Variants in SIK3 observed in about 807,000 individuals in gnomAD.
SIK3 encodes the protein SIK family kinase 3, also known as serine/threonine-protein kinase SIK3.
SIK3 carries 28 observed loss-of-function variants against 144.2 expected under a neutral mutation model. The ratio of observed to expected loss-of-function variants is 0.19; its 90% CI spans 0.14 to 0.27. The LOEUF is 0.27. SIK3 is among the 10% of genes least tolerant of loss of function. The probability of loss-of-function intolerance (pLI) is 1.00; values close to 1 mark genes in which losing one functional copy is unlikely to be tolerated. For missense variants in SIK3, 1,319 were observed against 1,776.0 expected (o/e 0.74, Z 4.62); for synonymous variants, 686 against 676.3 (o/e 1.01, Z -0.22).
At chr11:116,897,154 A>G in intron 5 of SIK3, 39 bp downstream of exon 5, 3 of 1,602,026 alleles carry the variant, frequency 1.9e-6, no homozygotes, top group Non-Finnish European at 2.6e-6. Context: ...AACCAAGGGT[A>G]GCTAATGCTG....
At position 116,863,737 on chromosome 11, in the gene SIK3, C is replaced by T. The variant is rs56274814; in HGVS notation, c.2034G>A (p.Ala678=). Residue 678 remains alanine (A), a synonymous_variant, in exon 16 of 25, where the codon GCG becomes GCA. Transcript: ENST00000445177. Reference sequence around the variant, plus strand: ...GGTGAGCTTTGAAGGCCTGGATGCTCGCAGCCCCATCTGAGAACCGGCGCA... The same window carrying T: ...GGTGAGCTTTGAAGGCCTGGATGCTTGCAGCCCCATCTGAGAACCGGCGCA... ...SPVRRFSDGA[A]SIQAFKAHLE... 1.2e-5 allele frequency: 19 copies of T among 1,614,066 alleles called. No individual in the cohort carries two copies. Among genetic ancestry groups the T allele is most frequent in the Middle Eastern group, 3.3e-4 (2 of 6,062 alleles).
At chr11:116,992,458 T>TA (rs1345919188) in intron 1 of SIK3, among the ~76,000 whole-genome samples, 1 of 151,954 alleles carries the variant, frequency 6.6e-6, no homozygotes, top group Admixed American at 6.6e-5. Flanking sequence ...TCTACAGCAT[T>TA]AAAAAAACAA....
chr11:117,066,534 CTT>C (rs34259048), intron 1 of SIK3, among the ~76,000 whole-genome samples: 95 of 130,994 alleles, frequency 7.3e-4, no homozygotes, highest in Non-Finnish European at 1.1e-3. Context: ...AGAAACAATC[CTT>C]TTTTTTTTTT....
rs184827424 is a variant in SIK3 at position 116,990,318 on chromosome 11, A to G, written c.274-33254T>C. 2.3e-3 allele frequency among the ~76,000 whole-genome samples: 347 copies of G among 152,334 alleles called. 3 individuals are homozygous for G. The highest frequency in any genetic ancestry group is 3.4e-3 in the Non-Finnish European group (231 of 68,034). ...AGAGTGTCTAGACCTGAGGAGGAGT[A>G]GACCTGCCAACATCAGAGCACTCCC... On this transcript the variant is annotated intron_variant, in intron 1 of 24. Transcript: ENST00000445177.
intron 4 of SIK3, among the ~76,000 whole-genome samples, chr11:116,925,677 G>A (rs950220013): frequency 1.3e-5 from 2 of 152,260 alleles, no homozygotes; most frequent in Admixed American, 6.5e-5. Flanking sequence ...AAGTTTAGTA[G>A]GTATTATTAG....
At chr11:116,869,511 A>G (rs1479427358) in intron 14 of SIK3, 2 of 152,430 alleles carry the variant, frequency 1.3e-5, no homozygotes, top group African/African-American at 2.4e-5. Context: ...AAAGACACCC[A>G]AAGTTCCCCA....
chr11:116,934,400 T>G (rs1947789791), intron 3 of SIK3, among the ~76,000 whole-genome samples: 1 of 152,096 alleles, frequency 6.6e-6, no homozygotes, highest in Non-Finnish European at 1.5e-5. Context: ...AATTCAAGAG[T>G]CTTCCCAACT....
At chr11:116,941,444 A>G (rs1478397433) in intron 3 of SIK3, among the ~76,000 whole-genome samples, 1 of 150,352 alleles carries the variant, frequency 6.7e-6, no homozygotes. Flanking sequence ...ACCAGTACAT[A>G]GTAGTGTTCA....
chr11:117,032,715 T>G (rs1305187107), intron 1 of SIK3, among the ~76,000 whole-genome samples: 1 of 151,768 alleles, frequency 6.6e-6, no homozygotes, highest in East Asian at 1.9e-4. Context: ...CTCACTATGT[T>G]GCCCATAATG....
intron 1 of SIK3, among the ~76,000 whole-genome samples, chr11:117,023,615 AAAAAAAATAT>A (rs1462249863): frequency 2.7e-4 from 28 of 103,994 alleles, no homozygotes; most frequent in East Asian, 1.6e-3. Context: ...CAAACAAAAA[AAAAAAAATAT>A]ATATATATAT....
At chr11:117,065,834 T>C (rs1348471454) in intron 1 of SIK3, among the ~76,000 whole-genome samples, 1 of 151,998 alleles carries the variant, frequency 6.6e-6, no homozygotes, top group Non-Finnish European at 1.5e-5. Context: ...TTCACTCTGT[T>C]GGCCAGGCTG....
At chr11:116,870,550 T>C (rs988323406) in intron 13 of SIK3, 149 bp from the exon 14 acceptor site, 6 of 986,030 alleles carry the variant, frequency 6.1e-6, no homozygotes, top group South Asian at 3.5e-5. Flanking sequence ...GATTTTCATA[T>C]ACCTATTTTT....
intron 4 of SIK3, among the ~76,000 whole-genome samples, chr11:116,913,249 G>A (rs996710874): frequency 2.0e-5 from 3 of 151,492 alleles, no homozygotes; most frequent in Admixed American, 1.3e-4. Context: ...AAAAACTCCT[G>A]ACTCACAGCC....
At chr11:116,943,981 A>C (rs1373910977) in intron 3 of SIK3, among the ~76,000 whole-genome samples, 2 of 152,068 alleles carry the variant, frequency 1.3e-5, no homozygotes, top group African/African-American at 4.8e-5. Context: ...AGATCATTTC[A>C]GAATGTAATC....
intron 1 of SIK3, among the ~76,000 whole-genome samples, chr11:117,026,518 C>CA (rs967506936): frequency 4.0e-4 from 60 of 151,856 alleles, no homozygotes; most frequent in Non-Finnish European, 1.0e-4. Context: ...TGAAGAAAAC[C>CA]AAAAAAGCCC....
chr11:116,844,485 G>A lies in SIK3; in HGVS notation c.*1158C>T, dbSNP rs998604070. On this transcript the variant is annotated 3_prime_UTR_variant, in exon 25 of 25. Transcript: ENST00000445177. ...TCAAGAATTAAAATATAGGGGCTGA[G>A]GGTACCCAGTGGGGAAGAGGAGGTT... 1 of 149,338 alleles carries A rather than the reference G, an allele frequency of 6.7e-6. No homozygotes were observed. Among genetic ancestry groups the A allele is most frequent in the African/African-American group, 2.5e-5 (1 of 40,742 alleles). 9.3% of individuals were successfully genotyped at this position (149,338 alleles called of 1,614,324 possible).
At chr11:116,960,499 C>T (rs1949301588) in intron 1 of SIK3, among the ~76,000 whole-genome samples, 1 of 152,020 alleles carries the variant, frequency 6.6e-6, no homozygotes, top group Admixed American at 6.6e-5. Flanking sequence ...GCAATCTGTG[C>T]AACAGAATGA....
chr11:116,932,234 T>C (rs1281026649), intron 3 of SIK3, among the ~76,000 whole-genome samples: 1 of 152,174 alleles, frequency 6.6e-6, no homozygotes, highest in Non-Finnish European at 1.5e-5. Context: ...GGATTACTCC[T>C]CAAAAGAGCA....
chr11:116,892,442 G>T (rs1160052456), intron 6 of SIK3, among the ~76,000 whole-genome samples: 1 of 152,184 alleles, frequency 6.6e-6, no homozygotes, highest in Non-Finnish European at 1.5e-5. Flanking sequence ...AAGATATATA[G>T]ATGGCAAATA....
Sources: gnomAD v4.1 joint callset for allele counts (sites outside exome capture counted in the v4.1 genomes callset) on GRCh38, gnomAD v4.1.1 for gene constraint, MANE v1.5 for transcripts, NCBI Gene and HGNC (gene_info 2026-07-23, HGNC 2026-07-21) for gene names.